Variants in FLVCR2 observed in about 807,000 individuals in gnomAD.
FLVCR2 encodes the protein FLVCR choline and putative heme transporter 2.
In FLVCR2, 38 loss-of-function variants were observed where a neutral mutation model predicts 48.9. That is an observed-to-expected ratio of 0.78 (90% CI 0.60 to 1.02). The LOEUF (loss-of-function observed/expected upper bound fraction) is 1.02. Among genes scored for constraint, FLVCR2 ranks in the 50% least tolerant of loss-of-function variants. The probability of loss-of-function intolerance (pLI) is 0.00; values close to 1 mark genes in which losing one functional copy is unlikely to be tolerated. For missense variants in FLVCR2, 664 were observed against 663.3 expected (o/e 1.00, Z -0.01); for synonymous variants, 255 against 257.0 (o/e 0.99, Z 0.07).
At position 75,647,934 on chromosome 14, in the gene FLVCR2, T is replaced by C. The variant is rs1890456023; in HGVS notation, c.*1462T>C. ...ATTCAAGCAATGGATGCAAGGAACA[T>C]GCTGTATGTAATAGAAGAAAGAAGT... On this transcript the variant is annotated 3_prime_UTR_variant, in exon 10 of 10. Transcript: ENST00000238667. 6.5e-6 allele frequency: 1 copy of C among 152,848 alleles called. No individual in the cohort carries two copies. Among genetic ancestry groups the C allele is most frequent in the Admixed American group, 6.6e-5 (1 of 15,266 alleles). 9.5% of individuals were successfully genotyped at this position (152,848 alleles called of 1,614,324 possible).
chr14:75,617,279 C>G (rs1889643164), intron 1 of FLVCR2, among the ~76,000 whole-genome samples: 1 of 152,150 alleles, frequency 6.6e-6, no homozygotes, highest in Non-Finnish European at 1.5e-5. Flanking sequence ...CTCCCTGTCA[C>G]CTAGGGCCCT....
chr14:75,613,793 C>G (rs1044526948), intron 1 of FLVCR2, among the ~76,000 whole-genome samples: 1 of 152,050 alleles, frequency 6.6e-6, no homozygotes, highest in Non-Finnish European at 1.5e-5. Flanking sequence ...TCAAATGATC[C>G]ACCCACCTTG....
At chr14:75,589,671 C>T (rs941273856) in intron 1 of FLVCR2, among the ~76,000 whole-genome samples, 2 of 152,264 alleles carry the variant, frequency 1.3e-5, no homozygotes, top group African/African-American at 2.4e-5. Context: ...AAACAAGTCT[C>T]TGCCTGAGCC....
chr14:75,598,640 T>A (rs369739226), intron 1 of FLVCR2, among the ~76,000 whole-genome samples: 9 of 152,236 alleles, frequency 5.9e-5, no homozygotes, highest in Middle Eastern at 6.8e-3. Flanking sequence ...CATGCCTGGC[T>A]AGTTATTTTA....
chr14:75,600,319 C>G (rs1036534590), intron 1 of FLVCR2, among the ~76,000 whole-genome samples: 3 of 152,114 alleles, frequency 2.0e-5, no homozygotes, highest in African/African-American at 4.8e-5. Context: ...ACCCCTTTCC[C>G]GGAAAACTCA....
intron 3 of FLVCR2, 109 bp downstream of exon 3, chr14:75,624,861 C>T (rs1253727643): frequency 1.4e-6 from 2 of 1,379,774 alleles, no homozygotes; most frequent in African/African-American, 2.8e-5. Flanking sequence ...GCATGTAAAG[C>T]TGTTGTCTAG....
At chr14:75,584,232 G>A (rs560243357) in intron 1 of FLVCR2, among the ~76,000 whole-genome samples, 4 of 152,350 alleles carry the variant, frequency 2.6e-5, no homozygotes, top group South Asian at 2.1e-4. Context: ...GTTGTGGGCT[G>A]TCTTACAGCA....
chr14:75,631,211 G>A (rs550811556), intron 3 of FLVCR2, among the ~76,000 whole-genome samples: 1 of 152,270 alleles, frequency 6.6e-6, no homozygotes, highest in South Asian at 2.1e-4. Context: ...CTTTAGCCCC[G>A]CTTCAGTCTG....
At chr14:75,581,852 T>A (rs930790755) in intron 1 of FLVCR2, among the ~76,000 whole-genome samples, 4 of 152,276 alleles carry the variant, frequency 2.6e-5, no homozygotes, top group Non-Finnish European at 4.4e-5. Context: ...AGGATAGATT[T>A]CCATGATGGA....
intron 1 of FLVCR2, among the ~76,000 whole-genome samples, chr14:75,618,228 AC>A (rs775757084): frequency 9.8e-5 from 15 of 152,324 alleles, no homozygotes; most frequent in South Asian, 2.1e-4. Context: ...CATGAGTCAT[AC>A]TTTTTCAGAG....
chr14:75,595,559 T>C (rs1888997417), intron 1 of FLVCR2, among the ~76,000 whole-genome samples: 1 of 152,166 alleles, frequency 6.6e-6, no homozygotes. Context: ...CAGTCCAGGG[T>C]TGTCATTTTG....
intron 3 of FLVCR2, among the ~76,000 whole-genome samples, chr14:75,628,207 C>T (rs1889955901): frequency 6.6e-6 from 1 of 152,060 alleles, no homozygotes; most frequent in Non-Finnish European, 1.5e-5. Context: ...CTCCACCTTC[C>T]AGGTTTGAGC....
At chr14:75,633,234 C>A (rs1017204344) in intron 3 of FLVCR2, among the ~76,000 whole-genome samples, 14 of 152,144 alleles carry the variant, frequency 9.2e-5, no homozygotes, top group African/African-American at 3.1e-4. Context: ...GGAGCAGCCT[C>A]AAGAAGGGGC....
chr14:75,641,313 C>T lies in FLVCR2; in HGVS notation c.1453+20C>T. On this transcript the variant is annotated intron_variant, in intron 8 of 9. Coordinates refer to ENST00000238667, the MANE Select transcript of FLVCR2 (RefSeq NM_017791.3). ...TCACTGGTGAGTTGGAGCCTGAGGG[C>T]AAGATGAGGCTCAGGTTGGCCATTT... is the stretch of plus-strand genomic sequence containing the variant. 2 of 1,561,026 alleles carry T rather than the reference C, an allele frequency of 1.3e-6. No homozygotes were observed. Among genetic ancestry groups the T allele is most frequent in the Non-Finnish European group, 1.8e-6 (2 of 1,131,998 alleles).
At chr14:75,628,086 GT>G (rs1889951866) in intron 3 of FLVCR2, among the ~76,000 whole-genome samples, 1 of 152,058 alleles carries the variant, frequency 6.6e-6, no homozygotes, top group African/African-American at 2.4e-5. Context: ...TTCCTACTGT[GT>G]TTGTTCCAAA....
At chr14:75,630,635 C>T (rs1398256251) in intron 3 of FLVCR2, among the ~76,000 whole-genome samples, 1 of 152,048 alleles carries the variant, frequency 6.6e-6, no homozygotes, top group Non-Finnish European at 1.5e-5. Flanking sequence ...GTGGGAGGAT[C>T]GTTTGAGGTC....
chr14:75,589,632 G>T lies in FLVCR2; in HGVS notation c.669+9991G>T, dbSNP rs148181289. The stretch of plus-strand genomic sequence containing the variant: ...TGGCTCCACTAGGCATTACCCTTGT[G>T]GGGGCTCTCTGCAGTGGCTCTGCCC... On this transcript the variant is annotated intron_variant, in intron 1 of 9. Coordinates refer to ENST00000238667, the MANE Select transcript of FLVCR2 (RefSeq NM_017791.3). Among the ~76,000 whole-genome samples, 45 of 152,322 alleles carry T rather than the reference G, an allele frequency of 3.0e-4. No homozygotes were observed. The East Asian group carries it at 7.9e-3, about 27-fold the overall frequency.
chr14:75,609,596 T>C (rs1186001096), intron 1 of FLVCR2, among the ~76,000 whole-genome samples: 2 of 152,186 alleles, frequency 1.3e-5, no homozygotes, highest in Non-Finnish European at 1.5e-5. Context: ...ATCTATTTCT[T>C]GAAGTGCATG....
At chr14:75,605,650 C>T (rs1889272852) in intron 1 of FLVCR2, 1 of 1,534,398 alleles carries the variant, frequency 6.5e-7, no homozygotes, top group Non-Finnish European at 8.7e-7. Flanking sequence ...ACTTCCTTCC[C>T]AACTTCTTTG....
Sources: gnomAD v4.1 joint callset for allele counts (sites outside exome capture counted in the v4.1 genomes callset) on GRCh38, gnomAD v4.1.1 for gene constraint, MANE v1.5 for transcripts, NCBI Gene and HGNC (gene_info 2026-07-23, HGNC 2026-07-21) for gene names.